ANO10: variants seen among roughly 807,000 people sequenced by gnomAD.
The protein encoded by ANO10 is anoctamin-10.
In ANO10, 77 loss-of-function variants were observed where a neutral mutation model predicts 74.7. The observed-to-expected ratio is 1.03, with a 90% CI of 0.86 to 1.25. ANO10 has a LOEUF of 1.25. ANO10 is among the 50% of genes most tolerant of loss of function. The probability of loss-of-function intolerance (pLI) is 0.00; values close to 1 mark genes in which losing one functional copy is unlikely to be tolerated. For missense variants in ANO10, 721 were observed against 778.1 expected, an observed-to-expected ratio of 0.93 and a Z score of 0.87; for synonymous variants, 279 against 284.9, an observed-to-expected ratio of 0.98 and a Z score of 0.21.
At chr3:43,603,731 T>C (rs2082434735) in intron 2 of ANO10, among the ~76,000 whole-genome samples, 1 of 152,236 alleles carries the variant, frequency 6.6e-6, no homozygotes, top group Admixed American at 6.5e-5. Flanking sequence ...AAGGATGGCC[T>C]TTAATGCAAG....
intron 4 of ANO10, among the ~76,000 whole-genome samples, chr3:43,597,385 G>A (rs1430474591): frequency 6.6e-6 from 1 of 152,196 alleles, no homozygotes; most frequent in Non-Finnish European, 1.5e-5. Flanking sequence ...GTGATAGACT[G>A]GATTAAGAAA....
intron 11 of ANO10, among the ~76,000 whole-genome samples, chr3:43,487,623 T>C (rs2149105969): frequency 6.6e-6 from 1 of 152,300 alleles, no homozygotes; most frequent in Admixed American, 6.5e-5. Flanking sequence ...TGAGGGTAGT[T>C]TGTATTTCTG....
chr3:43,666,248 C>T (rs988478219), intron 1 of ANO10, among the ~76,000 whole-genome samples: 1 of 152,024 alleles, frequency 6.6e-6, no homozygotes, highest in African/African-American at 2.4e-5. Context: ...AAAAGTCTCC[C>T]ACTTGAATAA....
At chr3:43,643,176 C>T (rs1335198350) in intron 1 of ANO10, among the ~76,000 whole-genome samples, 1 of 151,696 alleles carries the variant, frequency 6.6e-6, no homozygotes, top group Admixed American at 6.6e-5. Flanking sequence ...GGACTACAGG[C>T]ACCCGCCACG....
intron 11 of ANO10, among the ~76,000 whole-genome samples, chr3:43,468,709 GTTTTCTTTTTTTTT>G (rs1441764997): frequency 2.1e-5 from 3 of 144,598 alleles, no homozygotes; most frequent in Non-Finnish European, 4.5e-5. Flanking sequence ...TCTTTTTTTT[GTTTTCTTTTTTTTT>G]TTTTTGAGAC....
At chr3:43,463,769 G>A (rs1418257804) in intron 11 of ANO10, among the ~76,000 whole-genome samples, 10 of 152,160 alleles carry the variant, frequency 6.6e-5, no homozygotes, top group Admixed American at 6.5e-4. Flanking sequence ...AAGACTTTAG[G>A]GGACTGTTGG....
chr3:43,588,006 C>T (rs895979712), intron 4 of ANO10, among the ~76,000 whole-genome samples: 1 of 152,134 alleles, frequency 6.6e-6, no homozygotes, highest in Non-Finnish European at 1.5e-5. Context: ...TTCCATAGAA[C>T]ACTTAGAGAA....
chr3:43,529,075 A>C (rs1314825264), intron 11 of ANO10, among the ~76,000 whole-genome samples: 1 of 152,236 alleles, frequency 6.6e-6, no homozygotes, highest in Admixed American at 6.5e-5. Flanking sequence ...GATCTGAACC[A>C]ATCAACTCTA....
chr3:43,590,125 T>C (rs1360469571), intron 4 of ANO10, among the ~76,000 whole-genome samples: 1 of 152,216 alleles, frequency 6.6e-6, no homozygotes, highest in Non-Finnish European at 1.5e-5. Context: ...ACAAAAATTG[T>C]AAGATGCTTG....
intron 1 of ANO10, among the ~76,000 whole-genome samples, chr3:43,677,483 C>T (rs991231691): frequency 2.6e-5 from 4 of 152,200 alleles, no homozygotes; most frequent in East Asian, 1.9e-4. Context: ...ATCAATGCAT[C>T]GTGTGAAGGT....
intron 1 of ANO10, among the ~76,000 whole-genome samples, chr3:43,629,132 A>C (rs1183782957): frequency 2.0e-5 from 3 of 152,136 alleles, no homozygotes; most frequent in Non-Finnish European, 4.4e-5. Context: ...CCAGCTTTAA[A>C]ATTTCTCTCT....
chr3:43,634,204 A>T (rs752172513), intron 1 of ANO10, among the ~76,000 whole-genome samples: 1 of 152,120 alleles, frequency 6.6e-6, no homozygotes, highest in Non-Finnish European at 1.5e-5. Context: ...TCCCAGCAGA[A>T]GTATACTCTA....
intron 11 of ANO10, among the ~76,000 whole-genome samples, chr3:43,518,475 A>T (rs532686003): frequency 6.6e-6 from 1 of 152,272 alleles, no homozygotes; most frequent in East Asian, 1.9e-4. Context: ...GGGCATCCAA[A>T]AGGAACAGGA....
rs142826779 is a variant in ANO10, at chr3:43,418,482, C to T, written c.1914+14129G>A. Among the ~76,000 whole-genome samples the T allele has an allele frequency of 8.5e-3, 1,296 of 152,228 alleles. 12 individuals carry two copies. The highest frequency in any genetic ancestry group is 0.013 in the Non-Finnish European group (907 of 68,016). On this transcript the variant is annotated intron_variant, in intron 12 of 12. Transcript: ENST00000292246. ...ACAAATCACATATCCTTCTTAGTGACCAATTTCCTTTTCTTTTTCCATTTT... is the reference window on the plus strand; with the variant it reads ...ACAAATCACATATCCTTCTTAGTGATCAATTTCCTTTTCTTTTTCCATTTT...
chr3:43,413,051 C>CA (rs554606213), intron 12 of ANO10, among the ~76,000 whole-genome samples: 2 of 151,828 alleles, frequency 1.3e-5, no homozygotes, highest in Non-Finnish European at 2.9e-5. Context: ...GATTCCATTT[C>CA]AAAAAAAATC....
chr3:43,456,461 A>C (rs2075132662), intron 11 of ANO10, among the ~76,000 whole-genome samples: 1 of 152,234 alleles, frequency 6.6e-6, no homozygotes, highest in Non-Finnish European at 1.5e-5. Context: ...CTGGCTTTAG[A>C]AGCAAAGAGT....
rs5848662 is a variant in ANO10 at position 43,392,166 on chromosome 3, TA to T, written c.1915-25193del. Among the ~76,000 whole-genome samples the T allele has an allele frequency of 4.0e-5, 6 of 151,684 alleles. No homozygotes were observed. In the East Asian group the frequency reaches 7.7e-4, roughly 20 times the overall value. On this transcript the variant is annotated intron_variant, in intron 12 of 12. Coordinates refer to ENST00000292246, the MANE Select transcript of ANO10 (RefSeq NM_018075.5). ...TCAACTGAATCTTTCTCACTGACTT[TA>T]AAAAAAAATTTTATTGTTAAAATAC...
rs924407285 is a variant in ANO10 at position 43,678,556 on chromosome 3, G to A, written c.-12+12961C>T. On this transcript the variant is annotated intron_variant, in intron 1 of 3. Coordinates refer to the ANO10 transcript ENST00000413397. ...TTCTGATTACCGGTGCATGCAGCCC[G>A]CAGTCACATACCCCCTGCTTGCTCA... 5.3e-5 allele frequency among the ~76,000 whole-genome samples: 8 copies of A among 152,258 alleles called. No individual in the cohort carries two copies. In the South Asian group the frequency reaches 8.3e-4, roughly 16 times the overall value.
At position 43,561,338 on chromosome 3, in the gene ANO10, T is replaced by C. The variant is rs1274104955; in HGVS notation, c.1358A>G (p.Tyr453Cys). ...CACACCATGCTTCCTTTGGAGCCAA[T>C]AAGGAAGAAAAGATTCCATAATTTG... Reference protein sequence around the residue: ...LNQIMESFLPYWLQRKHGVRV... With the variant: ...LNQIMESFLPCWLQRKHGVRV... The change falls in exon 9 of 13, where the codon TAT becomes TGT. Residue 453 changes from tyrosine to cysteine, a missense_variant. Transcript: ENST00000292246. The C allele has an allele frequency of 7.4e-6, 12 of 1,613,972 alleles. No homozygotes were observed. The highest frequency in any genetic ancestry group is 1.0e-5 in the Non-Finnish European group (12 of 1,180,006).
Sources: gnomAD v4.1 joint callset for allele counts (sites outside exome capture counted in the v4.1 genomes callset) on GRCh38, gnomAD v4.1.1 for gene constraint, MANE v1.5 for transcripts, NCBI Gene and HGNC (gene_info 2026-07-23, HGNC 2026-07-21) for gene names.